The following POTEE variants were observed in gnomAD, a reference collection of about 807,000 sequenced individuals.
POTEE encodes ANKRD26-like family C member 1A.
A neutral mutation model predicts 74.2 loss-of-function variants in POTEE; 21 were observed. The ratio of observed to expected loss-of-function variants is 0.28; its 90% CI spans 0.20 to 0.41. POTEE has a LOEUF of 0.41. Ranked by LOEUF, POTEE falls within the 10% of genes least tolerant of loss-of-function variation. POTEE has a pLI of 1.00. For missense variants in POTEE, 525 were observed against 1,158.6 expected (o/e 0.45, Z 7.94); for synonymous variants, 211 against 432.8 (o/e 0.49, Z 6.36).
At chr2:131,231,714 G>T (rs2105092504) in intron 9 of POTEE, among the ~76,000 whole-genome samples, 1 of 152,032 alleles carries the variant, frequency 6.6e-6, no homozygotes, top group East Asian at 1.9e-4. Context: ...GCTACCATTT[G>T]CCAAAAGATT....
intron 9 of POTEE, among the ~76,000 whole-genome samples, chr2:131,235,792 CAAAAA>C (rs1203876832): frequency 1.1e-4 from 9 of 79,140 alleles, no homozygotes; most frequent in African/African-American, 2.2e-4. Flanking sequence ...GACCCTGGCT[CAAAAA>C]AAAAAAAAAA....
intron 1 of POTEE, among the ~76,000 whole-genome samples, chr2:131,210,664 C>A (rs1485149175): frequency 6.6e-6 from 1 of 150,902 alleles, no homozygotes; most frequent in African/African-American, 2.4e-5. Flanking sequence ...CTGGGACTAC[C>A]GGGTGGGGAT....
chr2:131,221,595 T>C (rs1010590693), intron 4 of POTEE, among the ~76,000 whole-genome samples: 4 of 152,232 alleles, frequency 2.6e-5, no homozygotes, highest in African/African-American at 9.7e-5. Flanking sequence ...CATTCTATTA[T>C]TTATTTTTCT....
intron 2 of POTEE, among the ~76,000 whole-genome samples, 57 bp downstream of exon 2, chr2:131,211,240 A>G (rs905795459): frequency 2.6e-5 from 4 of 151,892 alleles, no homozygotes; most frequent in Non-Finnish European, 5.9e-5. Context: ...GGGCTGCTGC[A>G]TTGACGGCGA....
chr2:131,233,250 A>G (rs1402766862), intron 9 of POTEE, among the ~76,000 whole-genome samples: 2 of 151,974 alleles, frequency 1.3e-5, no homozygotes, highest in African/African-American at 2.4e-5. Flanking sequence ...GCAATATTTT[A>G]GACTATGTGG....
At position 131,263,837 on chromosome 2, in the gene POTEE, G is replaced by C; in HGVS notation, c.2382G>C (p.Leu794=). 6.8e-6 allele frequency: 11 copies of C among 1,614,144 alleles called. No homozygotes were observed. The highest frequency in any genetic ancestry group is 7.6e-6 in the Non-Finnish European group (9 of 1,180,020). ...GGCACCACACCTTCTACAACGAGCT[G>C]CGTGTGGCTCCCGAGGAGCACCCCA... is the stretch of plus-strand genomic sequence containing the variant. ...KIWHHTFYNE[L]RVAPEEHPIL... is the part of the protein sequence containing the mutation. Residue 794 remains leucine, a synonymous_variant, in exon 18 of 18, where the codon CTG becomes CTC. Transcript: ENST00000683005.
At chr2:131,236,160 C>G (rs1205806246) in intron 9 of POTEE, among the ~76,000 whole-genome samples, 1 of 152,190 alleles carries the variant, frequency 6.6e-6, no homozygotes, top group Non-Finnish European at 1.5e-5. Context: ...CATTGAAGGA[C>G]AACAGGAACT....
intron 2 of POTEE, among the ~76,000 whole-genome samples, chr2:131,216,283 A>G (rs1339551285): frequency 6.6e-6 from 1 of 152,164 alleles, no homozygotes; most frequent in Non-Finnish European, 1.5e-5. Context: ...TACAGATTAA[A>G]TGCAACCGCT....
At chr2:131,210,003 T>G (rs1573689082) in intron 1 of POTEE, among the ~76,000 whole-genome samples, 184 bp downstream of exon 1, 1 of 21,450 alleles carries the variant, frequency 4.7e-5, no homozygotes, top group African/African-American at 2.1e-4. Context: ...CTGCCCGTGG[T>G]GGCGGGGGTG....
At chr2:131,228,522 A>C in intron 8 of POTEE, 141 bp downstream of exon 8, 2 of 1,415,820 alleles carry the variant, frequency 1.4e-6, no homozygotes, top group Admixed American at 4.4e-5. Context: ...CCCCTGCATC[A>C]GCCAGAAATC....
intron 4 of POTEE, among the ~76,000 whole-genome samples, chr2:131,220,137 T>C (rs1195641323): frequency 6.6e-6 from 1 of 152,066 alleles, no homozygotes; most frequent in Non-Finnish European, 1.5e-5. Context: ...AAATTTTAAA[T>C]ATACAAAAAG....
chr2:131,263,793 G>C lies in POTEE; in HGVS notation c.2338G>C (p.Asp780His). 1 of 1,613,756 alleles carries C rather than the reference G, an allele frequency of 6.2e-7. No homozygotes were observed. The highest frequency in any genetic ancestry group is 8.5e-7 in the Non-Finnish European group (1 of 1,180,008). Residue 780 changes from aspartate to histidine, a missense_variant, in exon 18 of 18, where the codon GAT (aspartate) becomes CAT (histidine). Asp to His is a moderately conservative substitution (Grantham distance 81, BLOSUM62 -1). Transcript: ENST00000683005. Reference protein sequence around the residue: ...PMEHGIITNWDDMEKIWHHTF... With the variant: ...PMEHGIITNWHDMEKIWHHTF... Reference sequence around the variant, plus strand: ...GGAACACGGCATCATCACCAACTGGGATGACATGGAGAAGATCTGGCACCA... The same window carrying C: ...GGAACACGGCATCATCACCAACTGGCATGACATGGAGAAGATCTGGCACCA...
At chr2:131,219,857 T>G (rs1374248920) in intron 4 of POTEE, among the ~76,000 whole-genome samples, 2 of 152,176 alleles carry the variant, frequency 1.3e-5, no homozygotes, top group African/African-American at 2.4e-5. Context: ...TGTGATAAAT[T>G]AATTTTTTGT....
chr2:131,230,802 A>G (rs1410889680), intron 8 of POTEE, 34 bp from the exon 9 acceptor site: 2 of 1,562,700 alleles, frequency 1.3e-6, no homozygotes, highest in Non-Finnish European at 1.7e-6. Flanking sequence ...CAGTATTAAA[A>G]TAGTAATTTG....
At chr2:131,220,886 G>C (rs1161149151) in intron 4 of POTEE, among the ~76,000 whole-genome samples, 4 of 151,526 alleles carry the variant, frequency 2.6e-5, no homozygotes, top group Non-Finnish European at 5.9e-5. Flanking sequence ...GCTTGAACCA[G>C]GGAGGTGGAG....
In POTEE at chr2:131,226,871, G is replaced by T. The variant is rs779197848; in HGVS notation, c.859G>T (p.Val287Phe). Residue 287 changes from valine to phenylalanine, a missense_variant, in exon 7 of 18, where the codon GTC becomes TTC. Val to Phe is a conservative substitution (Grantham distance 50). Transcript: ENST00000683005. The stretch of plus-strand genomic sequence containing the variant: ...TGGTGTACATGAGCAAAAACAGCAA[G>T]TCGTGAAATTTTTAATCAAGAAAAA... ...LLGVHEQKQQ[V>F]VKFLIKKKAN... is the part of the protein sequence containing the mutation. 6.2e-7 allele frequency: 1 copy of T among 1,611,690 alleles called. No homozygotes were observed. Among genetic ancestry groups the T allele is most frequent in the Non-Finnish European group, 8.5e-7 (1 of 1,179,690 alleles).
intron 8 of POTEE, among the ~76,000 whole-genome samples, chr2:131,230,598 C>T (rs1700922410): frequency 6.6e-6 from 1 of 152,104 alleles, no homozygotes; most frequent in Non-Finnish European, 1.5e-5. Context: ...CTAATGCTAG[C>T]TAATTTACTG....
In POTEE at chr2:131,218,551, A is replaced by T. The variant is rs779515049; in HGVS notation, c.149A>T (p.Asp50Val). 1.2e-6 allele frequency: 2 copies of T among 1,612,338 alleles called. No individual in the cohort carries two copies. The highest frequency in any genetic ancestry group is 1.7e-6 in the Non-Finnish European group (2 of 1,179,742). ...KSNVGTSGDHDDSAMKTLRSK... is the reference protein window; with the variant it reads ...KSNVGTSGDHVDSAMKTLRSK... Reference sequence around the variant, plus strand: ...AACGTGGGCACTTCTGGAGACCACGACGACTCTGCTATGAAGACACTCAGG... The same window carrying T: ...AACGTGGGCACTTCTGGAGACCACGTCGACTCTGCTATGAAGACACTCAGG... Residue 50 changes from aspartate (D) to valine (V), a missense_variant, in exon 4 of 18, where the codon GAC (aspartate) becomes GTC (valine). Asp to Val is a radical substitution (Grantham distance 152). Transcript: ENST00000683005.
intron 17 of POTEE, among the ~76,000 whole-genome samples, chr2:131,262,926 A>C (rs1201002174): frequency 6.6e-6 from 1 of 152,078 alleles, no homozygotes; most frequent in African/African-American, 2.4e-5. Flanking sequence ...TAAGGCTCTT[A>C]GGATGGTGTG....
Sources: gnomAD v4.1 joint callset for allele counts (sites outside exome capture counted in the v4.1 genomes callset) on GRCh38, gnomAD v4.1.1 for gene constraint, MANE v1.5 for transcripts, NCBI Gene and HGNC (gene_info 2026-07-23, HGNC 2026-07-21) for gene names.